Variants in JDP2 observed in about 807,000 individuals in gnomAD.
JDP2 encodes Jun dimerization protein 2, also known as progesterone receptor co-activator.
Under a neutral mutation model 17.1 loss-of-function variants are expected in JDP2, and 9 were observed. That is an observed-to-expected ratio of 0.53 (90% CI 0.32 to 0.92). JDP2 has a LOEUF of 0.92. Ranked by LOEUF, JDP2 falls within the 40% of genes least tolerant of loss-of-function variation. The probability of loss-of-function intolerance (pLI) is 0.04; values close to 1 mark genes in which losing one functional copy is unlikely to be tolerated. For missense variants in JDP2, 179 were observed against 220.0 expected, an observed-to-expected ratio of 0.81 and a Z score of 1.18; for synonymous variants, 107 against 95.6, an observed-to-expected ratio of 1.12 and a Z score of -0.69.
chr14:75,465,829 C>G (rs551278173), intron 3 of JDP2, among the ~76,000 whole-genome samples: 1 of 152,296 alleles, frequency 6.6e-6, no homozygotes, highest in African/African-American at 2.4e-5. Flanking sequence ...TTAATATGCA[C>G]TAATTCTATT....
At chr14:75,433,631 C>G (rs1388746367) in intron 1 of JDP2, among the ~76,000 whole-genome samples, 2 of 148,190 alleles carry the variant, frequency 1.3e-5, no homozygotes, top group Non-Finnish European at 3.0e-5. Context: ...GGAGCTGCAT[C>G]ATAATCTTAG....
chr14:75,468,543 C>T (rs1203335885), intron 3 of JDP2, among the ~76,000 whole-genome samples: 3 of 152,196 alleles, frequency 2.0e-5, no homozygotes, highest in South Asian at 2.1e-4. Context: ...CGCCACCTCC[C>T]GAATCAAATC....
chr14:75,429,742 G>A lies in JDP2; in HGVS notation c.-24+1490G>A, dbSNP rs113683188. ...AAAATCTATTCTCACACCTCTGGGT[G>A]GTTAAGGTTTTGCCTTGTTTAGAGC... On this transcript the variant is annotated intron_variant, in intron 1 of 3. Transcript: ENST00000651602. Among the ~76,000 whole-genome samples, 1,034 of 152,282 alleles carry A rather than the reference G, an allele frequency of 6.8e-3. 14 individuals are homozygous for A. Among genetic ancestry groups the A allele is most frequent in the African/African-American group, 0.024 (1,003 of 41,560 alleles).
Position 75,430,456 on chromosome 14 carries a change from G to A in JDP2, c.-24+2204G>A, listed in dbSNP as rs908149208. On this transcript the variant is annotated intron_variant, in intron 1 of 3. Transcript: ENST00000651602. This position sits in a 1 kb window ranked among gnomAD's most constrained non-coding sequence, Gnocchi z 4.5. ...AATTATGTTTGAAACCGAAATGGGA[G>A]GAAGAGAAAAATGGAGTGAGTGTAT... Among the ~76,000 whole-genome samples, 3 of 152,140 alleles carry A rather than the reference G, an allele frequency of 2.0e-5. No homozygotes were observed. Among genetic ancestry groups the A allele is most frequent in the Non-Finnish European group, 4.4e-5 (3 of 68,038 alleles).
intron 3 of JDP2, 130 bp from the exon 4 acceptor site, chr14:75,469,160 G>C: frequency 1.3e-6 from 1 of 776,062 alleles, no homozygotes; most frequent in East Asian, 2.7e-5. Flanking sequence ...TCAGTAGCAG[G>C]GTCTGTGCTT....
At position 75,432,990 on chromosome 14, in the gene JDP2, T is replaced by C. The variant is rs559525357; in HGVS notation, c.-24+4738T>C. 3.1e-3 allele frequency among the ~76,000 whole-genome samples: 469 copies of C among 151,422 alleles called. 5 individuals are homozygous for C. Among genetic ancestry groups the C allele is most frequent in the African/African-American group, 0.011 (451 of 41,286 alleles). On this transcript the variant is annotated intron_variant, in intron 1 of 3. Transcript: ENST00000651602. ...GCTGAGGCGGGTGGATCACCTGAGG[T>C]TGGGAGTTCGAGACCAGCCTGACCA...
rs1199367140 is a variant in JDP2 at position 75,428,127 on chromosome 14, G to A, written c.-149G>A. ...CGGGGCTGGCGCCGCGGCGGCTCCC[G>A]GGCCGGGACAGGCCTGGGCACCGGG... On this transcript the variant is annotated 5_prime_UTR_variant, in exon 1 of 4. Transcript: ENST00000651602. This position sits in a 1 kb window ranked among gnomAD's most constrained non-coding sequence, Gnocchi z 5.6. 6.8e-6 allele frequency: 1 copy of A among 146,188 alleles called. No individual in the cohort carries two copies. Among genetic ancestry groups the A allele is most frequent in the Non-Finnish European group, 1.5e-5 (1 of 65,644 alleles). 9.1% of individuals were successfully genotyped at this position (146,188 alleles called of 1,614,324 possible).
At chr14:75,435,770 GAC>G (rs1369397362) in intron 1 of JDP2, among the ~76,000 whole-genome samples, 1 of 152,206 alleles carries the variant, frequency 6.6e-6, no homozygotes, top group East Asian at 1.9e-4. Flanking sequence ...TGGCCCAGGG[GAC>G]ACGGGGTGAA....
intron 1 of JDP2, among the ~76,000 whole-genome samples, chr14:75,436,493 A>G (rs1466192069): frequency 6.6e-6 from 1 of 152,274 alleles, no homozygotes; most frequent in East Asian, 1.9e-4. Flanking sequence ...CTGGGCAGAA[A>G]GGTGAAAAGA....
intron 2 of JDP2, among the ~76,000 whole-genome samples, chr14:75,452,689 G>A (rs1320113923): frequency 6.6e-6 from 1 of 152,220 alleles, no homozygotes; most frequent in Non-Finnish European, 1.5e-5. Flanking sequence ...TAGCAGCACT[G>A]AGCCTGCATC....
At chr14:75,466,061 C>A (rs1886558215) in intron 3 of JDP2, among the ~76,000 whole-genome samples, 1 of 152,194 alleles carries the variant, frequency 6.6e-6, no homozygotes. Context: ...TTCTTCTGAA[C>A]TCAACTTATA....
intron 2 of JDP2, among the ~76,000 whole-genome samples, chr14:75,440,014 C>T (rs1258336810): frequency 6.6e-6 from 1 of 152,182 alleles, no homozygotes; most frequent in South Asian, 2.1e-4. Context: ...ACTGGAGGAA[C>T]TCTTCCCTTT....
At chr14:75,447,282 A>G (rs192230955) in intron 2 of JDP2, among the ~76,000 whole-genome samples, 1 of 152,328 alleles carries the variant, frequency 6.6e-6, no homozygotes, top group Admixed American at 6.5e-5. Context: ...GAAGTCATAC[A>G]CAAGCAATGC....
rs1886779616 is a variant in JDP2 at position 75,470,505 on chromosome 14, A to T, written c.*1030A>T. 1 of 152,410 alleles carries T rather than the reference A, an allele frequency of 6.6e-6. No homozygotes were observed. Among genetic ancestry groups the T allele is most frequent in the African/African-American group, 2.4e-5 (1 of 41,440 alleles). 9.4% of individuals were successfully genotyped at this position (152,410 alleles called of 1,614,324 possible). ...TGGGGAATGGGTGCAAGGCCCTCTC[A>T]GGGTCGGAGACTGTTTGGAGCCTCT... On this transcript the variant is annotated 3_prime_UTR_variant, in exon 4 of 4. Coordinates refer to ENST00000651602, the MANE Select transcript of JDP2 (RefSeq NM_001135048.2).
Position 75,469,615 on chromosome 14 carries a change from C to T in JDP2, c.*140C>T, listed in dbSNP as rs1004876658. The T allele has an allele frequency of 5.3e-6, 4 of 749,486 alleles. No individual in the cohort carries two copies. Among genetic ancestry groups the T allele is most frequent in the Non-Finnish European group, 8.4e-6 (4 of 474,332 alleles). The allele number at this position is 749,486 out of a possible 1,614,324, so 46.4% of individuals were successfully genotyped here. On this transcript the variant is annotated 3_prime_UTR_variant, in exon 4 of 4. Coordinates refer to ENST00000651602, the MANE Select transcript of JDP2 (RefSeq NM_001135048.2). The stretch of plus-strand genomic sequence containing the variant: ...GAGGTTCAGCACAGCCAGCATCAGC[C>T]GAGCTTTTTTGTGAAACTCAGATCA...
rs748031744 is a variant in JDP2, at chr14:75,438,128, G to A, written c.201+7G>A. 12 of 1,595,610 alleles carry A rather than the reference G, an allele frequency of 7.5e-6. No individual in the cohort carries two copies. Among genetic ancestry groups the A allele is most frequent in the Admixed American group, 3.4e-5 (2 of 58,738 alleles). On this transcript the variant is annotated splice_region_variant and intron_variant, in intron 2 of 3. Transcript: ENST00000651602. ...CCAGCCCGTGAAAAGTGAGGTGAGC[G>A]AGCCTTTTACCCCTGGCAGATTCCA...
At chr14:75,443,931 C>A (rs547800093) in intron 2 of JDP2, among the ~76,000 whole-genome samples, 1 of 150,906 alleles carries the variant, frequency 6.6e-6, no homozygotes, top group Admixed American at 6.6e-5. Flanking sequence ...GAGACAGATT[C>A]TCACTCTGTT....
rs149321297 is a variant in JDP2 at position 75,441,735 on chromosome 14, G to A, written c.201+3614G>A. On this transcript the variant is annotated intron_variant, in intron 2 of 3. Coordinates refer to ENST00000651602, the MANE Select transcript of JDP2 (RefSeq NM_001135048.2). ...CTTTCTCCTTTCTTTTCTAGTATTCGCTTTCAGGACAGCTTTGCTCTCTGG... is the reference window on the plus strand; with the variant it reads ...CTTTCTCCTTTCTTTTCTAGTATTCACTTTCAGGACAGCTTTGCTCTCTGG... 2.9e-3 allele frequency among the ~76,000 whole-genome samples: 444 copies of A among 152,222 alleles called. 5 individuals carry two copies. Among genetic ancestry groups the A allele is most frequent in the African/African-American group, 0.01 (425 of 41,538 alleles).
At chr14:75,456,610 C>T (rs1031569427) in intron 2 of JDP2, among the ~76,000 whole-genome samples, 1 of 152,150 alleles carries the variant, frequency 6.6e-6, no homozygotes, top group Non-Finnish European at 1.5e-5. Flanking sequence ...TCCCTGACCC[C>T]GTCTTGGAGC....
Sources: allele counts gnomAD v4.1 joint callset (sites outside exome capture counted in the v4.1 genomes callset), GRCh38; gene constraint gnomAD v4.1.1; non-coding constraint Gnocchi (gnomAD v3.1); transcripts MANE v1.5; gene names NCBI Gene and HGNC (gene_info 2026-07-23, HGNC 2026-07-21).